Variants in NHSL1 observed in about 807,000 individuals in gnomAD.
The protein encoded by NHSL1 is NHS-like protein 1.
Under a neutral mutation model 95.0 loss-of-function variants are expected in NHSL1, and 48 were observed. The ratio of observed to expected loss-of-function variants is 0.51; its 90% CI spans 0.40 to 0.64. NHSL1 has a LOEUF of 0.64. Ranked by LOEUF, NHSL1 falls within the 30% of genes least tolerant of loss-of-function variation. The pLI, the probability that NHSL1 is intolerant of heterozygous loss-of-function variation, is 0.00. For synonymous variants in NHSL1, 783 were observed against 833.9 expected, an observed-to-expected ratio of 0.94 and a Z score of 1.05; for missense variants, 1,971 against 2,077.7, an observed-to-expected ratio of 0.95 and a Z score of 1.00.
rs147679183 is a variant in NHSL1 at position 138,514,867 on chromosome 6, G to A, written c.17-18496C>T. The stretch of plus-strand genomic sequence containing the variant: ...GAGCCCAGAAGTTCGAGGCTGCAGT[G>A]AGCTGTGGTCACACCACGGCATTCC... On this transcript the variant is annotated intron_variant, in intron 1 of 4. Coordinates refer to the NHSL1 transcript ENST00000342260. 9.8e-3 allele frequency among the ~76,000 whole-genome samples: 1,486 copies of A among 152,268 alleles called. 26 individuals carry two copies. The highest frequency in any genetic ancestry group is 0.033 in the African/African-American group (1,386 of 41,530).
intron 1 of NHSL1, among the ~76,000 whole-genome samples, chr6:138,550,985 C>T (rs930983834): frequency 4.6e-5 from 7 of 152,164 alleles, no homozygotes; most frequent in Non-Finnish European, 1.0e-4. Context: ...GTTTTGCTTT[C>T]AGTACTTTCA....
intron 2 of NHSL1, among the ~76,000 whole-genome samples, chr6:138,485,799 A>G (rs1190856109): frequency 6.6e-6 from 1 of 152,238 alleles, no homozygotes; most frequent in Non-Finnish European, 1.5e-5. Flanking sequence ...CAAAAATTCC[A>G]ATAGAGCCAA....
intron 3 of NHSL1, 100 bp from the exon 4 acceptor site, chr6:138,447,293 AG>A (rs1776926888): frequency 3.1e-6 from 3 of 967,590 alleles, no homozygotes; most frequent in Non-Finnish European, 4.5e-6. Flanking sequence ...CTGGTTTAAA[AG>A]AAGCCAAAAT....
chr6:138,518,479 T>A (rs1441521295), intron 1 of NHSL1, among the ~76,000 whole-genome samples: 2 of 145,608 alleles, frequency 1.4e-5, no homozygotes, highest in African/African-American at 4.9e-5. Flanking sequence ...AGGAATGATT[T>A]TTTTTTTTTT....
intron 1 of NHSL1, among the ~76,000 whole-genome samples, chr6:138,539,457 C>G (rs569119601): frequency 3.9e-5 from 6 of 152,306 alleles, no homozygotes; most frequent in African/African-American, 1.2e-4. Flanking sequence ...TTAACTATCA[C>G]CTTTTCTAAT....
chr6:138,529,806 C>T (rs950132823), intron 1 of NHSL1, among the ~76,000 whole-genome samples: 5 of 152,244 alleles, frequency 3.3e-5, no homozygotes, highest in Non-Finnish European at 7.4e-5. Flanking sequence ...TTACATTAGG[C>T]CCACTTGGAT....
chr6:138,650,559 A>T, intron 1 of NHSL1: 2 of 594,370 alleles, frequency 3.4e-6, no homozygotes, highest in South Asian at 2.9e-5. Context: ...ATCACCCAGG[A>T]GGTGAGGGAT....
intron 4 of NHSL1, among the ~76,000 whole-genome samples, chr6:138,443,218 TC>T (rs1776644770): frequency 6.6e-6 from 1 of 152,186 alleles, no homozygotes; most frequent in Admixed American, 6.5e-5. Context: ...GGGAACCTTA[TC>T]TAATCAAAAC....
upstream of NHSL1, among the ~76,000 whole-genome samples, chr6:138,577,179 A>G (rs1047184734): frequency 5.3e-5 from 8 of 152,262 alleles, no homozygotes; most frequent in Non-Finnish European, 1.2e-4. Context: ...ATCATAAATG[A>G]AAGTTGGAGA....
rs58470836 is a variant in NHSL1 at position 138,450,332 on chromosome 6, A to G, written c.340-3139T>C. On this transcript the variant is annotated intron_variant, in intron 3 of 7. Coordinates refer to ENST00000343505, the MANE Select transcript of NHSL1 (RefSeq NM_001144060.2). ...AATTTCCTGATACATACACATAAAT[A>G]TAATTTTTCAGGCAACCTTGAATTA... Among the ~76,000 whole-genome samples, 1,162 of 152,370 alleles carry G rather than the reference A, an allele frequency of 7.6e-3. 15 individuals carry two copies. The highest frequency in any genetic ancestry group is 0.025 in the African/African-American group (1,045 of 41,582).
chr6:138,692,850 C>A (rs1785701331), upstream of NHSL1, among the ~76,000 whole-genome samples: 1 of 150,466 alleles, frequency 6.6e-6, no homozygotes, highest in Admixed American at 6.6e-5. This position sits in a 1 kb window ranked among gnomAD's most constrained non-coding sequence, Gnocchi z 4.0. Context: ...CAAAGGAAGT[C>A]CCGGGCAGCG....
Position 138,424,401 on chromosome 6 carries a change from G to T in NHSL1, c.4501C>A (p.Arg1501=), listed in dbSNP as rs773463902. ...SFSGPRYGRS[R]TPPSAASSRY... ...CTGCTGGCGGCAGAAGGCGGCGTTC[G>T]GCTGCGGCCGTACCTGGGGCCGGAA... Residue 1501 remains arginine, a synonymous_variant, in exon 8 of 8, where the codon CGA becomes AGA. Transcript: ENST00000343505. This position sits in a 1 kb window ranked among gnomAD's most constrained non-coding sequence, Gnocchi z 5.9. 23 of 1,549,914 alleles carry T rather than the reference G, an allele frequency of 1.5e-5. No homozygotes were observed. The South Asian group carries it at 2.7e-4, about 18-fold the overall frequency.
chr6:138,503,242 C>G (rs1023760677), upstream of NHSL1, among the ~76,000 whole-genome samples: 7 of 152,160 alleles, frequency 4.6e-5, no homozygotes, highest in African/African-American at 1.7e-4. Flanking sequence ...CTGCAACACA[C>G]TAGTTCCTCT....
chr6:138,499,089 TA>T (rs1293584815), intron 1 of NHSL1, 143 bp downstream of exon 1: 9 of 610,474 alleles, frequency 1.5e-5, no homozygotes, highest in Middle Eastern at 4.2e-4. Context: ...TTTCACACTC[TA>T]ATTTCTTCAC....
chr6:138,649,342 A>G (rs1785058359), intron 1 of NHSL1, among the ~76,000 whole-genome samples: 2 of 152,030 alleles, frequency 1.3e-5, no homozygotes, highest in Non-Finnish European at 2.9e-5. Context: ...CAATGAAGCC[A>G]TTCTGAAACT....
At chr6:138,605,133 C>G (rs1162913297) in intron 1 of NHSL1, among the ~76,000 whole-genome samples, 1 of 152,202 alleles carries the variant, frequency 6.6e-6, no homozygotes, top group African/African-American at 2.4e-5. Context: ...ACTGCATTAT[C>G]AAAAGCAGAA....
At position 138,433,155 on chromosome 6, in the gene NHSL1, C is replaced by T. The variant is rs571949843; in HGVS notation, c.1190G>A (p.Ser397Asn). 5 of 1,551,240 alleles carry T rather than the reference C, an allele frequency of 3.2e-6. No individual in the cohort carries two copies. The highest frequency in any genetic ancestry group is 2.7e-5 in the African/African-American group (2 of 73,122). Residue 397 changes from serine to asparagine, a missense_variant, in exon 6 of 8, where the codon AGC becomes AAC. By Grantham distance (46) the Ser-to-Asn change is conservative. This residue lies in a region of NHSL1 where 1,602 missense variants were observed against 1,654.5 expected (regional missense o/e 0.97). Transcript: ENST00000343505. ...ATGAGGAGAAACCACACACGCTGGG[C>T]TCATTATATTTTCACTCTCGAAGTG... ...LRHFESENIM[S>N]PACVVSPHAT...
chr6:138,573,830 C>T (rs1358917890), upstream of NHSL1, among the ~76,000 whole-genome samples: 1 of 152,214 alleles, frequency 6.6e-6, no homozygotes, highest in Non-Finnish European at 1.5e-5. Context: ...GCCGACACCA[C>T]TTGGATCAGA....
rs1014597790 is a variant in NHSL1 at position 138,436,042 on chromosome 6, C to T, written c.665-2362G>A. Among the ~76,000 whole-genome samples, 10 of 152,242 alleles carry T rather than the reference C, an allele frequency of 6.6e-5. No individual in the cohort carries two copies. The South Asian group carries it at 1.2e-3, about 19-fold the overall frequency. ...ACCAGCTGTTTCCCAGTTTCTCTCC[C>T]TCTTCTTGGGCTTCTCTATTCCCTG... is the stretch of plus-strand genomic sequence containing the variant. On this transcript the variant is annotated intron_variant, in intron 5 of 7. Coordinates refer to ENST00000343505, the MANE Select transcript of NHSL1 (RefSeq NM_001144060.2).
Sources: gnomAD v4.1 joint callset for allele counts (sites outside exome capture counted in the v4.1 genomes callset) on GRCh38, gnomAD v4.1.1 for gene constraint, gnomAD v4.1.1 regional missense constraint, Gnocchi (gnomAD v3.1) non-coding constraint, MANE v1.5 for transcripts, NCBI Gene and HGNC (gene_info 2026-07-23, HGNC 2026-07-21) for gene names.